Variants in TINAG observed in about 807,000 individuals in gnomAD.
TINAG encodes tubulointerstitial nephritis antigen.
A neutral mutation model predicts 72.7 loss-of-function variants in TINAG; 83 were observed. The observed-to-expected ratio is 1.14, with a 90% CI of 0.96 to 1.37. TINAG has a LOEUF of 1.37. TINAG is among the 40% of genes most tolerant of loss of function. The pLI is 0.00. For synonymous variants in TINAG, 234 were observed against 189.9 expected (o/e 1.23, Z -1.91); for missense variants, 685 against 576.6 (o/e 1.19, Z -1.93).
At chr6:54,316,080 T>A (rs998156743) in intron 1 of TINAG, among the ~76,000 whole-genome samples, 3 of 152,164 alleles carry the variant, frequency 2.0e-5, no homozygotes, top group African/African-American at 7.2e-5. Flanking sequence ...TGTTCCCACA[T>A]CTACGTTGCA....
At chr6:54,350,096 G>C (rs1022647256) in intron 7 of TINAG, among the ~76,000 whole-genome samples, 200 bp downstream of exon 7, 23 of 151,954 alleles carry the variant, frequency 1.5e-4, no homozygotes, top group African/African-American at 5.1e-4. Flanking sequence ...GCAGTGTAAA[G>C]GACTGACTTA....
chr6:54,354,745 AC>A (rs1785351834), intron 9 of TINAG, 109 bp downstream of exon 9: 1 of 1,230,612 alleles, frequency 8.1e-7, no homozygotes, highest in Admixed American at 3.1e-5. Context: ...AGATTGTGAT[AC>A]AAATGAAAAA....
chr6:54,318,627 G>A (rs1784423762), intron 1 of TINAG, among the ~76,000 whole-genome samples: 2 of 152,134 alleles, frequency 1.3e-5, no homozygotes. Context: ...GTTACAGTAA[G>A]AAGTTTGGTC....
chr6:54,311,749 CT>C lies in TINAG; in HGVS notation c.355+2850del, dbSNP rs576809590. Among the ~76,000 whole-genome samples, 539 of 152,238 alleles carry C rather than the reference CT, an allele frequency of 3.5e-3. 6 individuals carry two copies. Among genetic ancestry groups the C allele is most frequent in the African/African-American group, 0.013 (520 of 41,544 alleles). ...ACAGCAAGTCAGCTTATTCACCCCC[CT>C]TTTTTGAAGATGACTTAGGTCATGT... On this transcript the variant is annotated intron_variant, in intron 1 of 10. Coordinates refer to ENST00000259782, the MANE Select transcript of TINAG (RefSeq NM_014464.4).
intron 1 of TINAG, among the ~76,000 whole-genome samples, chr6:54,319,152 G>A (rs1454077381): frequency 1.3e-5 from 2 of 152,044 alleles, no homozygotes; most frequent in Non-Finnish European, 1.5e-5. Context: ...CAAGATTCAT[G>A]AGGTATGATT....
chr6:54,357,650 C>A (rs551590043), intron 9 of TINAG, among the ~76,000 whole-genome samples: 1 of 151,872 alleles, frequency 6.6e-6, no homozygotes, highest in Non-Finnish European at 1.5e-5. Context: ...TATGTCACAA[C>A]CTCTTTTGGC....
At position 54,343,256 on chromosome 6, in the gene TINAG, G is replaced by C. The variant is rs1458007240; in HGVS notation, c.655G>C (p.Glu219Gln). 2 of 1,580,506 alleles carry C rather than the reference G, an allele frequency of 1.3e-6. No homozygotes were observed. The highest frequency in any genetic ancestry group is 1.7e-6 in the Non-Finnish European group (2 of 1,161,452). ...ASLPATTDLP[E>Q]FFVASYKWPG... Reference sequence around the variant, plus strand: ...TTTACCTGCAACAACTGATCTTCCAGAGTTTTTTGTTGCTTCTTATAAATG... The same window carrying C: ...TTTACCTGCAACAACTGATCTTCCACAGTTTTTTGTTGCTTCTTATAAATG... Residue 219 changes from glutamate to glutamine, a missense_variant, in exon 5 of 11, where the codon GAG becomes CAG. By Grantham distance (29) the Glu-to-Gln change is conservative (BLOSUM62 2). Transcript: ENST00000259782.
chr6:54,383,261 G>A (rs1307920901), intron 10 of TINAG, among the ~76,000 whole-genome samples: 2 of 152,054 alleles, frequency 1.3e-5, no homozygotes, highest in African/African-American at 4.8e-5. Context: ...GGTCAGGAAA[G>A]CAAAAACTTT....
chr6:54,349,751 A>G lies in TINAG; in HGVS notation c.935A>G (p.Asp312Gly). The change falls in exon 7 of 11, where the codon GAC (aspartate) becomes GGC (glycine). Residue 312 changes from aspartate (D) to glycine (G), a missense_variant. Physicochemically the swap from Asp to Gly is moderately conservative, Grantham distance 94 (BLOSUM62 -1). Transcript: ENST00000259782. ...CACGCATGCTACCCACTTTTCAAAG[A>G]CCAAAATGCTACCAACAATGGATGT... ...VSHACYPLFK[D>G]QNATNNGCAM... is the part of the protein sequence containing the mutation. 6.2e-7 allele frequency: 1 copy of G among 1,603,106 alleles called. No homozygotes were observed. Among genetic ancestry groups the G allele is most frequent in the Non-Finnish European group, 8.5e-7 (1 of 1,173,266 alleles).
intron 9 of TINAG, among the ~76,000 whole-genome samples, chr6:54,366,736 G>C (rs908571872): frequency 1.8e-4 from 27 of 151,576 alleles, no homozygotes; most frequent in African/African-American, 6.3e-4. Flanking sequence ...CAAATCTGGG[G>C]ACCAGGGAAG....
chr6:54,331,316 T>C (rs1293648052), intron 4 of TINAG, among the ~76,000 whole-genome samples: 2 of 152,140 alleles, frequency 1.3e-5, no homozygotes, highest in Non-Finnish European at 1.5e-5. Context: ...TCCAAATCTA[T>C]AAATGTAATC....
intron 9 of TINAG, among the ~76,000 whole-genome samples, chr6:54,355,713 A>ACG (rs1215252243): frequency 1.6e-4 from 16 of 99,120 alleles, no homozygotes; most frequent in African/African-American, 3.6e-5. Flanking sequence ...AAAAAATGTA[A>ACG]CGTGTGTGTG....
Position 54,347,436 on chromosome 6 carries a change from T to C in TINAG, c.818T>C (p.Leu273Ser). ...ACGGCCAATCTATCCCCTCAGAATT[T>C]GATCTCTTGCTGTGCCAAGAACCGT... Reference protein sequence around the residue: ...RYTANLSPQNLISCCAKNRHG... With the variant: ...RYTANLSPQNSISCCAKNRHG... Residue 273 changes from leucine to serine, a missense_variant, in exon 6 of 11, where the codon TTG (leucine) becomes TCG (serine). Coordinates refer to ENST00000259782, the MANE Select transcript of TINAG (RefSeq NM_014464.4). 1 of 1,613,328 alleles carries C rather than the reference T, an allele frequency of 6.2e-7. No individual in the cohort carries two copies. The highest frequency in any genetic ancestry group is 8.5e-7 in the Non-Finnish European group (1 of 1,179,580).
intron 9 of TINAG, among the ~76,000 whole-genome samples, chr6:54,358,454 C>T (rs918910074): frequency 6.7e-6 from 1 of 150,038 alleles, no homozygotes; most frequent in Non-Finnish European, 1.5e-5. Flanking sequence ...CTCTTTTCAA[C>T]GAATGAATGA....
At chr6:54,365,762 AT>A (rs1763389665) in intron 9 of TINAG, among the ~76,000 whole-genome samples, 1 of 151,534 alleles carries the variant, frequency 6.6e-6, no homozygotes, top group Non-Finnish European at 1.5e-5. Context: ...AGAGATTCAA[AT>A]TTTGAGTTTG....
intron 9 of TINAG, among the ~76,000 whole-genome samples, chr6:54,371,504 A>C (rs1763606470): frequency 6.6e-6 from 1 of 151,680 alleles, no homozygotes; most frequent in Admixed American, 6.6e-5. Context: ...GAATGATTCT[A>C]ATTATGATAT....
intron 4 of TINAG, among the ~76,000 whole-genome samples, chr6:54,336,042 C>T (rs1381346748): frequency 6.6e-6 from 1 of 152,012 alleles, no homozygotes; most frequent in Non-Finnish European, 1.5e-5. Context: ...CTCTTTCCTT[C>T]CCTGGCTGGT....
intron 9 of TINAG, among the ~76,000 whole-genome samples, chr6:54,366,603 G>GGAGA (rs112104486): frequency 1.4e-4 from 21 of 147,642 alleles, no homozygotes; most frequent in African/African-American, 1.7e-4. Context: ...AGGGAGGGAG[G>GGAGA]GAGAGAGAGA....
At chr6:54,373,004 G>C (rs1221832332) in intron 9 of TINAG, among the ~76,000 whole-genome samples, 1 of 151,946 alleles carries the variant, frequency 6.6e-6, no homozygotes. Flanking sequence ...AGTACTAGCT[G>C]TGGCATTAAG....
Sources: allele counts gnomAD v4.1 joint callset (sites outside exome capture counted in the v4.1 genomes callset), GRCh38; gene constraint gnomAD v4.1.1; transcripts MANE v1.5; gene names NCBI Gene and HGNC (gene_info 2026-07-23, HGNC 2026-07-21).